ST14: variants seen among roughly 807,000 people sequenced by gnomAD.
ST14 encodes the protein ST14 transmembrane serine protease matriptase.
Under a neutral mutation model 96.5 loss-of-function variants are expected in ST14, and 40 were observed. The observed-to-expected ratio is 0.41, with a 90% CI of 0.32 to 0.54. ST14 has a LOEUF of 0.54. Ranked by LOEUF, ST14 falls within the 20% of genes least tolerant of loss-of-function variation. The pLI, the probability that ST14 is intolerant of heterozygous loss-of-function variation, is 0.17. For synonymous variants in ST14, 506 were observed against 492.1 expected, an observed-to-expected ratio of 1.03 and a Z score of -0.37; for missense variants, 1,066 against 1,188.9, an observed-to-expected ratio of 0.90 and a Z score of 1.52.
intron 17 of ST14, 37 bp downstream of exon 17, chr11:130,208,721 C>T: frequency 6.3e-7 from 1 of 1,591,498 alleles, no homozygotes; most frequent in African/African-American, 1.3e-5. Flanking sequence ...CGCAGAGGGC[C>T]TGGGGCCTTT....
intron 12 of ST14, 22 bp downstream of exon 12, chr11:130,197,967 G>T: frequency 6.4e-7 from 1 of 1,553,948 alleles, no homozygotes; most frequent in Non-Finnish European, 8.7e-7. Flanking sequence ...TGGGAGCCCC[G>T]GTCTCCCCAC....
chr11:130,197,422 G>A (rs1005710814), intron 11 of ST14, among the ~76,000 whole-genome samples: 9 of 152,248 alleles, frequency 5.9e-5, no homozygotes, highest in Non-Finnish European at 1.2e-4. Context: ...GCGCGATGCC[G>A]CACTACATTT....
At position 130,194,295 on chromosome 11, in the gene ST14, A is replaced by AAGGGC. The variant is rs1953335792; in HGVS notation, c.1015+18_1015+22dup. ...CAGCTGCCTAGGATGAGCAGTAAGG[A>AAGGGC]AGGGCAGGGCAGGGCGGGACTGCCC... is the stretch of plus-strand genomic sequence containing the variant. On this transcript the variant is annotated splice_region_variant and intron_variant, in intron 8 of 18. Coordinates refer to ENST00000278742, the MANE Select transcript of ST14 (RefSeq NM_021978.4). 1 of 1,614,100 alleles carries AAGGGC rather than the reference A, an allele frequency of 6.2e-7. No individual in the cohort carries two copies. Among genetic ancestry groups the AAGGGC allele is most frequent in the Non-Finnish European group, 8.5e-7 (1 of 1,179,956 alleles).
At position 130,209,450 on chromosome 11, in the gene ST14, G is replaced by T. The variant is rs769539601; in HGVS notation, c.2278G>T (p.Ala760Ser). 2 of 1,582,974 alleles carry T rather than the reference G, an allele frequency of 1.3e-6. No homozygotes were observed. The highest frequency in any genetic ancestry group is 2.3e-5 in the East Asian group (1 of 43,686). ...TCCTGCCCTCTCCCCAGGCACTGGC[G>T]CGCTGATCCTGCAAAAGGGTGAGAT... ...WGHTQYGGTGALILQKGEIRV... is the reference protein window; with the variant it reads ...WGHTQYGGTGSLILQKGEIRV... The change falls in exon 18 of 19, where the codon GCG (alanine) becomes TCG (serine). Residue 760 changes from alanine to serine, a missense_variant. By Grantham distance (99) the Ala-to-Ser change is moderately conservative. Transcript: ENST00000278742.
At position 130,190,466 on chromosome 11, in the gene ST14, T is replaced by A; in HGVS notation, c.647T>A (p.Phe216Tyr). The A allele has an allele frequency of 6.2e-7, 1 of 1,607,054 alleles. No homozygotes were observed. The highest frequency in any genetic ancestry group is 8.5e-7 in the Non-Finnish European group (1 of 1,179,886). The part of the protein sequence containing the change: ...VQRTQDNSCS[F>Y]GLHARGVELM... ...GTCTCCTGCGCAGACAGCTGCAGCT[T>A]TGGCCTGCACGCCCGCGGTGTGGAG... is the stretch of plus-strand genomic sequence containing the variant. The change falls in exon 7 of 19, where the codon TTT (phenylalanine) becomes TAT (tyrosine). Residue 216 changes from phenylalanine (F) to tyrosine (Y), a missense_variant. By Grantham distance (22) the Phe-to-Tyr change is conservative. Coordinates refer to ENST00000278742, the MANE Select transcript of ST14 (RefSeq NM_021978.4).
intron 15 of ST14, 96 bp from the exon 16 acceptor site, chr11:130,199,855 C>G (rs900673836): frequency 2.4e-5 from 36 of 1,523,210 alleles, no homozygotes; most frequent in Non-Finnish European, 2.8e-5. Flanking sequence ...AGCTGGCTTC[C>G]CCACACAGGG....
chr11:130,189,656 C>T (rs759408320), intron 4 of ST14, 83 bp from the exon 5 acceptor site: 9 of 1,579,080 alleles, frequency 5.7e-6, no homozygotes, highest in Non-Finnish European at 6.0e-6. Context: ...CCCCGAGCCG[C>T]CCATGTGTCC....
At chr11:130,198,161 G>A (rs1953388099) in intron 12 of ST14, 147 bp from the exon 13 acceptor site, 3 of 928,800 alleles carry the variant, frequency 3.2e-6, no homozygotes, top group Non-Finnish European at 5.3e-6. Context: ...AAGTGCTGAG[G>A]TCAGCTTGGT....
chr11:130,192,928 A>C (rs1338469880), intron 7 of ST14, among the ~76,000 whole-genome samples: 2 of 152,150 alleles, frequency 1.3e-5, no homozygotes, highest in East Asian at 3.8e-4. Context: ...TGAATGCCTG[A>C]GTTTAAATTC....
At chr11:130,180,879 T>C (rs1422231671) in intron 1 of ST14, among the ~76,000 whole-genome samples, 1 of 152,204 alleles carries the variant, frequency 6.6e-6, no homozygotes, top group African/African-American at 2.4e-5. Context: ...AGGATATGCA[T>C]CAGTTGCTCT....
intron 1 of ST14, among the ~76,000 whole-genome samples, chr11:130,180,719 G>A: frequency 6.6e-6 from 1 of 152,236 alleles, no homozygotes; most frequent in Admixed American, 6.5e-5. Flanking sequence ...TCAGCATTTA[G>A]CTTTCAGCCC....
intron 1 of ST14, among the ~76,000 whole-genome samples, chr11:130,183,988 G>C (rs570075774): frequency 6.6e-6 from 1 of 152,242 alleles, no homozygotes; most frequent in Admixed American, 6.5e-5. Context: ...AGGAACCTGC[G>C]TGAGTCTCAG....
intron 1 of ST14, among the ~76,000 whole-genome samples, chr11:130,162,806 A>G (rs1953007390): frequency 6.6e-6 from 1 of 152,170 alleles, no homozygotes; most frequent in Non-Finnish European, 1.5e-5. Flanking sequence ...AGCACATGGC[A>G]TCTCTCTAAC....
chr11:130,194,305 C>T lies in ST14; in HGVS notation c.1015+17C>T, dbSNP rs1307486403. ...GGATGAGCAGTAAGGAAGGGCAGGGCAGGGCGGGACTGCCCTCGGGCCACA... is the reference window on the plus strand; with the variant it reads ...GGATGAGCAGTAAGGAAGGGCAGGGTAGGGCGGGACTGCCCTCGGGCCACA... On this transcript the variant is annotated intron_variant, in intron 8 of 18. Coordinates refer to ENST00000278742, the MANE Select transcript of ST14 (RefSeq NM_021978.4). 2 of 1,614,128 alleles carry T rather than the reference C, an allele frequency of 1.2e-6. No individual in the cohort carries two copies. Among genetic ancestry groups the T allele is most frequent in the Admixed American group, 1.7e-5 (1 of 60,028 alleles).
chr11:130,188,315 G>A lies in ST14; in HGVS notation c.241+42G>A, dbSNP rs748033374. On this transcript the variant is annotated intron_variant, in intron 2 of 18. Coordinates refer to ENST00000278742, the MANE Select transcript of ST14 (RefSeq NM_021978.4). The surrounding 1 kb of genome is among the most constrained non-coding windows in gnomAD (Gnocchi z 5.4). ...CTGGCTCCGGGGAGGACGACAAGGG[G>A]TGGCTGTCCCTCTTCCCTCAGCGGA... is the stretch of plus-strand genomic sequence containing the variant. The A allele has an allele frequency of 1.9e-6, 3 of 1,599,190 alleles. No homozygotes were observed. The highest frequency in any genetic ancestry group is 1.1e-5 in the South Asian group (1 of 88,570).
intron 1 of ST14, among the ~76,000 whole-genome samples, chr11:130,168,995 T>C (rs573077267): frequency 1.3e-5 from 2 of 150,948 alleles, no homozygotes; most frequent in South Asian, 4.2e-4. Context: ...AGCTGATGGA[T>C]GCAACAACTT....
intron 1 of ST14, among the ~76,000 whole-genome samples, chr11:130,185,859 G>T (rs1383876180): frequency 1.3e-5 from 2 of 151,982 alleles, no homozygotes; most frequent in Non-Finnish European, 1.5e-5. Flanking sequence ...CCAGGCCGGA[G>T]TTCAGTGGCG....
At chr11:130,191,598 GA>G (rs1223415858) in intron 7 of ST14, among the ~76,000 whole-genome samples, 1 of 151,044 alleles carries the variant, frequency 6.6e-6, no homozygotes, top group African/African-American at 2.4e-5. Context: ...GCCAAGGCGG[GA>G]GAATCACTTG....
chr11:130,191,073 G>A (rs1015643839), intron 7 of ST14, among the ~76,000 whole-genome samples: 2 of 152,244 alleles, frequency 1.3e-5, no homozygotes, highest in African/African-American at 2.4e-5. Context: ...TTTTGTTGGC[G>A]GGCACGGTAG....
Sources: allele counts gnomAD v4.1 joint callset (sites outside exome capture counted in the v4.1 genomes callset), GRCh38; gene constraint gnomAD v4.1.1; non-coding constraint Gnocchi (gnomAD v3.1); transcripts MANE v1.5; gene names NCBI Gene and HGNC (gene_info 2026-07-23, HGNC 2026-07-21).